KCTD14: variants seen among roughly 807,000 people sequenced by gnomAD.
KCTD14 encodes the protein BTB/POZ domain-containing protein KCTD14.
In KCTD14, 7 loss-of-function variants were observed where a neutral mutation model predicts 5.9. The ratio of observed to expected loss-of-function variants is 1.19; its 90% CI spans 0.68 to 2.23. The LOEUF is 2.23. KCTD14 is among the 30% of genes most tolerant of loss of function. The pLI, the probability that KCTD14 is intolerant of heterozygous loss-of-function variation, is 0.00. For missense variants in KCTD14, 342 were observed against 332.2 expected, an observed-to-expected ratio of 1.03 and a Z score of -0.23; for synonymous variants, 140 against 133.1, an observed-to-expected ratio of 1.05 and a Z score of -0.36.
rs1857162670 is a variant in KCTD14, at chr11:78,016,338, G to C, written c.*255C>G. ...AACATTCTTACTTGGTCTTGTTATT[G>C]GACTTCAAGAGAAGGGTCTGGGAGA... On this transcript the variant is annotated 3_prime_UTR_variant, in exon 2 of 2. Coordinates refer to ENST00000353172, the MANE Select transcript of KCTD14 (RefSeq NM_023930.4). 1 of 523,372 alleles carries C rather than the reference G, an allele frequency of 1.9e-6. No homozygotes were observed. Among genetic ancestry groups the C allele is most frequent in the Non-Finnish European group, 3.4e-6 (1 of 295,146 alleles). 32.4% of individuals were successfully genotyped at this position (523,372 alleles called of 1,614,324 possible).
intron 1 of KCTD14, among the ~76,000 whole-genome samples, chr11:78,043,191 C>T (rs72943095): frequency 0.18 from 27,585 of 152,196 alleles, 2,784 homozygotes; most frequent in Middle Eastern, 0.24. Context: ...TTCCAGCAGC[C>T]CAACCCCTGG....
At chr11:78,019,026 C>CTTTTTT (rs750759055) in intron 1 of KCTD14, among the ~76,000 whole-genome samples, 3 of 140,406 alleles carry the variant, frequency 2.1e-5, no homozygotes, top group African/African-American at 5.2e-5. Context: ...TTTTTCTTTT[C>CTTTTTT]TTTTTTTTTT....
At chr11:78,033,338 A>G (rs1454335767) in intron 2 of KCTD14, among the ~76,000 whole-genome samples, 1 of 152,204 alleles carries the variant, frequency 6.6e-6, no homozygotes, top group Non-Finnish European at 1.5e-5. Context: ...CTCTTCTATT[A>G]TTGAAAATGA....
At chr11:78,019,026 C>CTTTT (rs750759055) in intron 1 of KCTD14, among the ~76,000 whole-genome samples, 1 of 140,408 alleles carries the variant, frequency 7.1e-6, no homozygotes, top group African/African-American at 2.6e-5. Flanking sequence ...TTTTTCTTTT[C>CTTTT]TTTTTTTTTT....
intron 1 of KCTD14, among the ~76,000 whole-genome samples, chr11:78,041,481 C>T (rs1271147276): frequency 6.6e-6 from 1 of 152,164 alleles, no homozygotes; most frequent in South Asian, 2.1e-4. Flanking sequence ...TAGGCAACAA[C>T]AGGAGGTAAA....
At chr11:78,023,054 C>T in intron 1 of KCTD14, 106 bp downstream of exon 1, 1 of 751,278 alleles carries the variant, frequency 1.3e-6, no homozygotes, top group Non-Finnish European at 2.2e-6. Context: ...AAGCAGGGGG[C>T]TCGGGCGTCT....
At chr11:78,028,805 G>T (rs1267092371) in intron 2 of KCTD14, among the ~76,000 whole-genome samples, 2 of 152,088 alleles carry the variant, frequency 1.3e-5, no homozygotes, top group African/African-American at 4.8e-5. Flanking sequence ...ACTGGGTATG[G>T]TGGCACACGT....
chr11:78,023,129 G>C, intron 1 of KCTD14, 31 bp downstream of exon 1: 8 of 1,424,382 alleles, frequency 5.6e-6, no homozygotes, highest in Non-Finnish European at 7.7e-6. Context: ...GGAGGACAGA[G>C]GCGCGGGGAC....
At chr11:78,026,907 T>A (rs554972742), upstream of KCTD14, among the ~76,000 whole-genome samples, 7 of 152,108 alleles carry the variant, frequency 4.6e-5, no homozygotes, top group Non-Finnish European at 1.0e-4. Flanking sequence ...GGCACTAGCC[T>A]GGCCAACATG....
intron 1 of KCTD14, among the ~76,000 whole-genome samples, chr11:78,018,427 C>A (rs751435826): frequency 2.6e-5 from 4 of 151,928 alleles, no homozygotes; most frequent in Non-Finnish European, 5.9e-5. Context: ...TAAGTAAAGG[C>A]CGGGCATGGT....
At chr11:78,030,311 G>T (rs1192863198) in intron 2 of KCTD14, among the ~76,000 whole-genome samples, 2 of 152,104 alleles carry the variant, frequency 1.3e-5, no homozygotes, top group Non-Finnish European at 2.9e-5. Flanking sequence ...GGACCCCAAG[G>T]CTCCCAGAGA....
At chr11:78,022,291 C>A (rs1259510811) in intron 1 of KCTD14, among the ~76,000 whole-genome samples, 2 of 151,860 alleles carry the variant, frequency 1.3e-5, no homozygotes, top group Non-Finnish European at 2.9e-5. Flanking sequence ...CTGTGAGGCT[C>A]CTAAGGGAGG....
In KCTD14 at chr11:78,016,610, T is replaced by C. The variant is rs1857170653; in HGVS notation, c.751A>G (p.Thr251Ala). 6.2e-7 allele frequency: 1 copy of C among 1,613,552 alleles called. No individual in the cohort carries two copies. Among genetic ancestry groups the C allele is most frequent in the Admixed American group, 1.7e-5 (1 of 60,014 alleles). The change falls in exon 2 of 2, where the codon ACC (threonine) becomes GCC (alanine). Residue 251 changes from threonine (T) to alanine (A), a missense_variant. Thr to Ala is a moderately conservative substitution (Grantham distance 58). Transcript: ENST00000353172. ...NEFHFNIYSF[T>A]FTWW The stretch of plus-strand genomic sequence containing the variant: ...CCTGAGGATCACCACCAGGTGAAGG[T>C]GAATGAATAAATGTTAAAATGGAAT...
At chr11:78,023,347 G>T, upstream of KCTD14, 4 of 1,183,440 alleles carry the variant, frequency 3.4e-6, no homozygotes, top group Non-Finnish European at 4.8e-6. Context: ...GGCGTGGCTT[G>T]CAGTGAGACT....
At chr11:78,021,271 C>G (rs1369108624) in intron 1 of KCTD14, among the ~76,000 whole-genome samples, 3 of 131,932 alleles carry the variant, frequency 2.3e-5, no homozygotes, top group Non-Finnish European at 4.6e-5. Flanking sequence ...GCACTCCAGC[C>G]TAGGTGACAG....
chr11:78,017,420 A>G, intron 1 of KCTD14, 150 bp from the exon 2 acceptor site: 1 of 1,001,318 alleles, frequency 1.0e-6, no homozygotes, highest in Non-Finnish European at 1.4e-6. Context: ...AAAGAGGGTT[A>G]TATTTATGCT....
intron 2 of KCTD14, among the ~76,000 whole-genome samples, chr11:78,035,836 C>T (rs150606513): frequency 9.4e-6 from 1 of 106,098 alleles, no homozygotes; most frequent in African/African-American, 3.8e-5. Flanking sequence ...CAGAGCGAGA[C>T]TCCATCTCAA....
intron 1 of KCTD14, among the ~76,000 whole-genome samples, chr11:78,045,430 T>A (rs113553030): frequency 0.2 from 29,956 of 152,170 alleles, 3,285 homozygotes; most frequent in Non-Finnish European, 0.25. Context: ...GTTGCATATC[T>A]TCCCTCTGCC....
chr11:78,036,307 C>T (rs1267065148), intron 2 of KCTD14, among the ~76,000 whole-genome samples: 1 of 152,220 alleles, frequency 6.6e-6, no homozygotes, highest in Non-Finnish European at 1.5e-5. Context: ...CTATGCTGTA[C>T]ACTTGACAGT....
Sources: gnomAD v4.1 joint callset for allele counts (sites outside exome capture counted in the v4.1 genomes callset) on GRCh38, gnomAD v4.1.1 for gene constraint, MANE v1.5 for transcripts, NCBI Gene and HGNC (gene_info 2026-07-23, HGNC 2026-07-21) for gene names.